The following PIP4K2A variants were observed in gnomAD, a reference collection of about 807,000 sequenced individuals.
PIP4K2A encodes phosphatidylinositol-5-phosphate 4-kinase type 2 alpha.
A neutral mutation model predicts 42.9 loss-of-function variants in PIP4K2A; 14 were observed. That is an observed-to-expected ratio of 0.33 (90% CI 0.22 to 0.51). PIP4K2A has a LOEUF of 0.51. Ranked by LOEUF, PIP4K2A falls within the 20% of genes least tolerant of loss-of-function variation. The probability of loss-of-function intolerance (pLI) is 0.97; values close to 1 mark genes in which losing one functional copy is unlikely to be tolerated. For synonymous variants in PIP4K2A, 192 were observed against 192.2 expected (o/e 1.00, Z 0.01); for missense variants, 434 against 519.8 (o/e 0.83, Z 1.61).
chr10:22,585,019 G>T (rs1160536003), intron 4 of PIP4K2A, among the ~76,000 whole-genome samples: 1 of 152,076 alleles, frequency 6.6e-6, no homozygotes, highest in Non-Finnish European at 1.5e-5. Flanking sequence ...CAGACTCCCC[G>T]ACAGCCCCTC....
intron 1 of PIP4K2A, among the ~76,000 whole-genome samples, chr10:22,632,651 T>C (rs965714902): frequency 1.3e-5 from 2 of 152,214 alleles, no homozygotes; most frequent in Non-Finnish European, 2.9e-5. Context: ...GGCACACTCA[T>C]ATCCCTGGCA....
At chr10:22,652,021 T>A (rs969159127) in intron 1 of PIP4K2A, among the ~76,000 whole-genome samples, 1 of 152,232 alleles carries the variant, frequency 6.6e-6, no homozygotes, top group African/African-American at 2.4e-5. Context: ...TCAGCTCCTG[T>A]AGATTCTGTA....
chr10:22,564,768 TCCA>T (rs1443256452), intron 6 of PIP4K2A, among the ~76,000 whole-genome samples: 1 of 152,178 alleles, frequency 6.6e-6, no homozygotes, highest in Non-Finnish European at 1.5e-5. Context: ...CAAAGAAGCC[TCCA>T]CCATTTTCTT....
chr10:22,556,893 T>C (rs573487315), intron 6 of PIP4K2A, among the ~76,000 whole-genome samples: 54 of 152,312 alleles, frequency 3.5e-4, no homozygotes, highest in African/African-American at 1.3e-3. Context: ...TCAGCAAGTC[T>C]ACTGTAAGTC....
chr10:22,549,021 C>A (rs982763055), intron 7 of PIP4K2A, among the ~76,000 whole-genome samples: 1 of 152,208 alleles, frequency 6.6e-6, no homozygotes, highest in Non-Finnish European at 1.5e-5. Flanking sequence ...CCACCCCACT[C>A]TAGCCAACAC....
intron 1 of PIP4K2A, among the ~76,000 whole-genome samples, chr10:22,617,243 A>G (rs1224652247): frequency 6.6e-6 from 1 of 152,234 alleles, no homozygotes; most frequent in East Asian, 1.9e-4. Flanking sequence ...GCAGGAAAAG[A>G]GAGGTTGCAA....
intron 1 of PIP4K2A, among the ~76,000 whole-genome samples, chr10:22,687,186 G>T (rs1839783035): frequency 6.6e-6 from 1 of 151,024 alleles, no homozygotes; most frequent in Non-Finnish European, 1.5e-5. Flanking sequence ...GACCTCAGAT[G>T]AAAGAGAAAC....
chr10:22,662,240 C>T (rs544229425), intron 1 of PIP4K2A, among the ~76,000 whole-genome samples: 5 of 152,340 alleles, frequency 3.3e-5, no homozygotes, highest in African/African-American at 1.2e-4. Flanking sequence ...TAGGCATCCC[C>T]ATTCTTCCAC....
At chr10:22,666,908 A>G (rs1456570732) in intron 1 of PIP4K2A, among the ~76,000 whole-genome samples, 1 of 152,230 alleles carries the variant, frequency 6.6e-6, no homozygotes, top group Non-Finnish European at 1.5e-5. Flanking sequence ...AAGAAAGTTA[A>G]TCATTGGCCG....
rs1287267321 is a variant in PIP4K2A at position 22,664,119 on chromosome 10, A to G, written c.144+50064T>C. Among the ~76,000 whole-genome samples, 4 of 60,868 alleles carry G rather than the reference A, an allele frequency of 6.6e-5. 1 individual carries two copies. The highest frequency in any genetic ancestry group is 3.1e-4 in the African/African-American group (2 of 6,352). 39.9% of individuals were successfully genotyped at this position (60,868 alleles called of 152,430 possible). Reference sequence around the variant, plus strand: ...TATATATATACATATATATATACATATATATATATACATATATATATACAT... The same window carrying G: ...TATATATATACATATATATATACATGTATATATATACATATATATATACAT... On this transcript the variant is annotated intron_variant, in intron 1 of 9. Transcript: ENST00000376573.
Position 22,536,274 on chromosome 10 carries a change from C to T in PIP4K2A, c.*927G>A, listed in dbSNP as rs1338153845. The T allele has an allele frequency of 2.5e-6, 1 of 396,194 alleles. No homozygotes were observed. Among genetic ancestry groups the T allele is most frequent in the Non-Finnish European group, 4.4e-6 (1 of 225,104 alleles). 24.5% of individuals were successfully genotyped at this position (396,194 alleles called of 1,614,324 possible). A position where few individuals can be genotyped will look rare whatever the true frequency, so the allele number is the denominator to read the frequency against. On this transcript the variant is annotated 3_prime_UTR_variant, in exon 10 of 10. Coordinates refer to ENST00000376573, the MANE Select transcript of PIP4K2A (RefSeq NM_005028.5). ...ACAGTGGGAGATGTAGATACCATTG[C>T]CCCAAACTATGCACTTTTCAGGTAA...
rs1266584235 is a variant in PIP4K2A at position 22,536,662 on chromosome 10, ATCATCATTATTATCT to A, written c.*524_*538del. 2.3e-5 allele frequency: 3 copies of A among 128,354 alleles called. No individual in the cohort carries two copies. Among genetic ancestry groups the A allele is most frequent in the African/African-American group, 8.0e-5 (3 of 37,322 alleles). 8.0% of individuals were successfully genotyped at this position (128,354 alleles called of 1,614,324 possible). A position where few individuals can be genotyped will look rare whatever the true frequency, so the allele number is the denominator to read the frequency against. The stretch of plus-strand genomic sequence containing the variant: ...TGGAATCATCATCATTATTATAATA[ATCATCATTATTATCT>A]TCATTATTCTGAATACTGTCTCACA... On this transcript the variant is annotated 3_prime_UTR_variant, in exon 10 of 10. Transcript: ENST00000376573.
At chr10:22,656,244 G>A (rs1194890932) in intron 1 of PIP4K2A, among the ~76,000 whole-genome samples, 1 of 152,246 alleles carries the variant, frequency 6.6e-6, no homozygotes. Flanking sequence ...CTTCTGGTTA[G>A]TGTCCTGTGT....
At chr10:22,600,249 T>C (rs772651510) in intron 3 of PIP4K2A, among the ~76,000 whole-genome samples, 9 of 152,198 alleles carry the variant, frequency 5.9e-5, no homozygotes, top group Non-Finnish European at 8.8e-5. Context: ...CTAAAAATCA[T>C]GTATGAAAAG....
At chr10:22,638,953 T>C (rs927392555) in intron 1 of PIP4K2A, among the ~76,000 whole-genome samples, 1 of 152,200 alleles carries the variant, frequency 6.6e-6, no homozygotes, top group Admixed American at 6.5e-5. Flanking sequence ...ACCCTGAGCA[T>C]GTGGTTGGCT....
intron 1 of PIP4K2A, among the ~76,000 whole-genome samples, chr10:22,631,808 A>G (rs969403135): frequency 6.6e-6 from 1 of 152,244 alleles, no homozygotes; most frequent in African/African-American, 2.4e-5. Flanking sequence ...GAGAAACAGG[A>G]TATTTACACA....
intron 1 of PIP4K2A, among the ~76,000 whole-genome samples, chr10:22,619,453 T>TTTTTC (rs1398548447): frequency 6.6e-6 from 1 of 151,404 alleles, no homozygotes; most frequent in African/African-American, 2.4e-5. Context: ...TTTTTTTTTT[T>TTTTTC]TGAGACAAAG....
intron 1 of PIP4K2A, among the ~76,000 whole-genome samples, chr10:22,676,839 G>C (rs147015667): frequency 1.3e-5 from 2 of 152,254 alleles, no homozygotes; most frequent in African/African-American, 4.8e-5. Context: ...ATGTCACTCA[G>C]TACTAAGTGC....
At chr10:22,575,025 T>C (rs954922137) in intron 4 of PIP4K2A, among the ~76,000 whole-genome samples, 11 of 152,082 alleles carry the variant, frequency 7.2e-5, no homozygotes, top group African/African-American at 2.4e-4. Flanking sequence ...GGCGCCTCCA[T>C]TTACGAGCTG....
Sources: allele counts gnomAD v4.1 joint callset (sites outside exome capture counted in the v4.1 genomes callset), GRCh38; gene constraint gnomAD v4.1.1; transcripts MANE v1.5; gene names NCBI Gene and HGNC (gene_info 2026-07-23, HGNC 2026-07-21).